The following TSG101 variants were observed in gnomAD, a reference collection of about 807,000 sequenced individuals.
The protein encoded by TSG101 is tumor susceptibility gene 101 protein.
A neutral mutation model predicts 48.5 loss-of-function variants in TSG101; 19 were observed. That is an observed-to-expected ratio of 0.39 (90% CI 0.27 to 0.58). The LOEUF is 0.58. Ranked by LOEUF, TSG101 falls within the 20% of genes least tolerant of loss-of-function variation. TSG101 has a pLI of 0.55. For synonymous variants in TSG101, 174 were observed against 169.4 expected, an observed-to-expected ratio of 1.03 and a Z score of -0.21; for missense variants, 365 against 484.4, an observed-to-expected ratio of 0.75 and a Z score of 2.31.
intron 1 of TSG101, 143 bp downstream of exon 1, chr11:18,526,632 G>T: frequency 1.1e-6 from 1 of 923,834 alleles, no homozygotes; most frequent in East Asian, 3.0e-5. Context: ...GCCTCGGGGC[G>T]GGGTTCTGAG....
chr11:18,522,515 G>T (rs923531403), intron 1 of TSG101, among the ~76,000 whole-genome samples: 6 of 152,116 alleles, frequency 3.9e-5, no homozygotes, highest in Non-Finnish European at 8.8e-5. Flanking sequence ...CTACAGTCCT[G>T]GTCTAAGCCA....
At chr11:18,523,440 C>G (rs1850312798) in intron 1 of TSG101, among the ~76,000 whole-genome samples, 2 of 152,174 alleles carry the variant, frequency 1.3e-5, no homozygotes, top group Admixed American at 1.3e-4. Context: ...TCTGATTGTT[C>G]ACTGTTGCAT....
intron 6 of TSG101, 133 bp downstream of exon 6, chr11:18,506,724 G>A: frequency 1.7e-6 from 1 of 601,194 alleles, no homozygotes; most frequent in Non-Finnish European, 2.7e-6. Context: ...TAAATTCCAG[G>A]AATAAACCAA....
chr11:18,499,243 ATATT>A (rs1209809813), intron 7 of TSG101, among the ~76,000 whole-genome samples: 5 of 136,148 alleles, frequency 3.7e-5, no homozygotes, highest in African/African-American at 1.1e-4. Flanking sequence ...ATATAATTAT[ATATT>A]TATATATTAT....
intron 4 of TSG101, among the ~76,000 whole-genome samples, chr11:18,510,859 C>T (rs375701084): frequency 2.6e-5 from 4 of 151,936 alleles, no homozygotes; most frequent in East Asian, 3.9e-4. Context: ...AAGGTTGAGG[C>T]TGCAGTATGA....
intron 1 of TSG101, among the ~76,000 whole-genome samples, chr11:18,521,359 C>CTTTTTTTTT (rs917563952): frequency 1.0e-5 from 1 of 99,832 alleles, no homozygotes; most frequent in East Asian, 3.9e-4. Flanking sequence ...AAACTGATTC[C>CTTTTTTTTT]TTTTTTTTTT....
chr11:18,498,177 G>A (rs2133914353), intron 7 of TSG101, among the ~76,000 whole-genome samples: 1 of 152,314 alleles, frequency 6.6e-6, no homozygotes, highest in African/African-American at 2.4e-5. Context: ...CCTAAGACAG[G>A]AGACCAGTAG....
chr11:18,524,397 A>G (rs1485505181), intron 1 of TSG101, among the ~76,000 whole-genome samples: 2 of 152,198 alleles, frequency 1.3e-5, no homozygotes, highest in African/African-American at 2.4e-5. Flanking sequence ...AGAGCCTACA[A>G]TCAGATAAAG....
chr11:18,514,873 A>G (rs373646158), intron 3 of TSG101, 32 bp from the exon 4 acceptor site: 17 of 1,499,690 alleles, frequency 1.1e-5, no homozygotes, highest in Non-Finnish European at 1.2e-5. Flanking sequence ...CAGTTACTCT[A>G]TTTTTATTAT....
At chr11:18,484,359 G>A (rs1201863593) in intron 7 of TSG101, among the ~76,000 whole-genome samples, 3 of 152,194 alleles carry the variant, frequency 2.0e-5, no homozygotes, top group Non-Finnish European at 2.9e-5. Flanking sequence ...CAGAGGCTAT[G>A]TCCCTACCAA....
At chr11:18,483,388 C>A (rs1447183678) in intron 8 of TSG101, among the ~76,000 whole-genome samples, 1 of 151,066 alleles carries the variant, frequency 6.6e-6, no homozygotes, top group Non-Finnish European at 1.5e-5. Context: ...CCCAGCTACT[C>A]AGGAGGCTGA....
intron 2 of TSG101, among the ~76,000 whole-genome samples, chr11:18,517,408 T>G (rs1850197276): frequency 6.6e-6 from 1 of 152,256 alleles, no homozygotes; most frequent in Non-Finnish European, 1.5e-5. Context: ...TAGTTTGTAT[T>G]GGACAGCTAT....
At chr11:18,493,910 A>G (rs1849733571) in intron 7 of TSG101, among the ~76,000 whole-genome samples, 1 of 152,202 alleles carries the variant, frequency 6.6e-6, no homozygotes, top group South Asian at 2.1e-4. Flanking sequence ...TGTGCAGGCT[A>G]TGGAGCTTTT....
chr11:18,501,666 G>A (rs996534658), intron 7 of TSG101, among the ~76,000 whole-genome samples: 33 of 152,106 alleles, frequency 2.2e-4, no homozygotes, highest in African/African-American at 7.5e-4. Context: ...TTGGTATTTC[G>A]ACACAGACTG....
At chr11:18,485,255 T>C (rs776928089) in intron 7 of TSG101, among the ~76,000 whole-genome samples, 11 of 152,218 alleles carry the variant, frequency 7.2e-5, no homozygotes, top group Non-Finnish European at 1.6e-4. Flanking sequence ...CATTAAATTA[T>C]GGTGAAACCT....
At chr11:18,507,361 CT>C (rs1849992087) in intron 5 of TSG101, among the ~76,000 whole-genome samples, 1 of 152,196 alleles carries the variant, frequency 6.6e-6, no homozygotes, top group South Asian at 2.1e-4. Flanking sequence ...GGTTTAAAGA[CT>C]TCAAGAGACT....
chr11:18,525,847 T>C, intron 1 of TSG101: 1 of 255,880 alleles, frequency 3.9e-6, no homozygotes, highest in Non-Finnish European at 6.1e-6. Context: ...GCGATTTAAC[T>C]GGAAAAAGTC....
rs995984710 is a variant in TSG101 at position 18,481,248 on chromosome 11, T to C, written c.1083+382A>G. The C allele has an allele frequency of 3.1e-6, 3 of 979,096 alleles. No homozygotes were observed. The African/African-American group carries it at 5.3e-5, about 17-fold the overall frequency. 60.7% of individuals were successfully genotyped at this position (979,096 alleles called of 1,614,324 possible). A position where few individuals can be genotyped will look rare whatever the true frequency, so the allele number is the denominator to read the frequency against. On this transcript the variant is annotated intron_variant, in intron 9 of 9. Coordinates refer to ENST00000251968, the MANE Select transcript of TSG101 (RefSeq NM_006292.4). ...GTGGGAAAACTGGTCTAAAGTTATA[T>C]AACTCTAAGAAAATTAACAGATAAA... is the stretch of plus-strand genomic sequence containing the variant.
At chr11:18,486,524 T>C (rs1459148778) in intron 7 of TSG101, among the ~76,000 whole-genome samples, 1 of 152,078 alleles carries the variant, frequency 6.6e-6, no homozygotes, top group Non-Finnish European at 1.5e-5. Context: ...AAAATGCTCA[T>C]CATCACTGGC....
Sources: allele counts gnomAD v4.1 joint callset (sites outside exome capture counted in the v4.1 genomes callset), GRCh38; gene constraint gnomAD v4.1.1; transcripts MANE v1.5; gene names NCBI Gene and HGNC (gene_info 2026-07-23, HGNC 2026-07-21).